The following PCDH15 variants were observed in gnomAD, a reference collection of about 807,000 sequenced individuals.
PCDH15 encodes the protein protocadherin-15.
In PCDH15, 129 loss-of-function variants were observed where a neutral mutation model predicts 178.5. The observed-to-expected ratio is 0.72, with a 90% CI of 0.63 to 0.84. PCDH15 has a LOEUF of 0.84. Ranked by LOEUF, PCDH15 falls within the 40% of genes least tolerant of loss-of-function variation. The pLI is 0.00. For synonymous variants in PCDH15, 800 were observed against 732.0 expected, an observed-to-expected ratio of 1.09 and a Z score of -1.50; for missense variants, 2,230 against 2,099.9, an observed-to-expected ratio of 1.06 and a Z score of -1.21.
At chr10:54,558,708 T>C (rs1339105574) in intron 2 of PCDH15, among the ~76,000 whole-genome samples, 1 of 152,114 alleles carries the variant, frequency 6.6e-6, no homozygotes, top group Non-Finnish European at 1.5e-5. Flanking sequence ...TCTATTACTA[T>C]TAATACTACT....
chr10:55,463,355 A>G (rs1459410194), intron 2 of PCDH15, among the ~76,000 whole-genome samples: 1 of 152,134 alleles, frequency 6.6e-6, no homozygotes, highest in Non-Finnish European at 1.5e-5. Context: ...AGGCATAACA[A>G]AAAATGGAAG....
intron 3 of PCDH15, among the ~76,000 whole-genome samples, chr10:54,487,080 C>T (rs898663699): frequency 6.6e-6 from 1 of 151,882 alleles, no homozygotes; most frequent in Non-Finnish European, 1.5e-5. Flanking sequence ...TTTCAAGAAG[C>T]TAAGCCATAT....
chr10:54,465,898 G>C (rs2077485740), intron 3 of PCDH15, among the ~76,000 whole-genome samples: 1 of 151,774 alleles, frequency 6.6e-6, no homozygotes, highest in Non-Finnish European at 1.5e-5. Flanking sequence ...ATCCTCCCCA[G>C]CATTTATATA....
intron 9 of PCDH15, among the ~76,000 whole-genome samples, chr10:54,234,068 T>C (rs377613488): frequency 1.3e-5 from 2 of 152,170 alleles, no homozygotes; most frequent in African/African-American, 2.4e-5. Context: ...AGTATTTGTA[T>C]GGATTTAGGG....
chr10:54,905,756 T>A (rs1298381924), intron 2 of PCDH15, among the ~76,000 whole-genome samples: 1 of 152,080 alleles, frequency 6.6e-6, no homozygotes, highest in East Asian at 1.9e-4. Context: ...GAACAGGGGT[T>A]GAGATCTCTG....
At chr10:54,572,719 C>T (rs1223092139) in intron 2 of PCDH15, among the ~76,000 whole-genome samples, 1 of 152,086 alleles carries the variant, frequency 6.6e-6, no homozygotes, top group Non-Finnish European at 1.5e-5. Flanking sequence ...CTAGTTCTTT[C>T]ACTAGGTTAA....
intron 2 of PCDH15, among the ~76,000 whole-genome samples, chr10:55,159,333 A>G (rs1838988627): frequency 7.4e-6 from 1 of 134,884 alleles, no homozygotes; most frequent in African/African-American, 2.7e-5. Flanking sequence ...TTAGGAGGTA[A>G]GATTACCATA....
intron 2 of PCDH15, among the ~76,000 whole-genome samples, chr10:55,352,149 C>T (rs1306544040): frequency 6.6e-6 from 1 of 151,988 alleles, no homozygotes; most frequent in African/African-American, 2.4e-5. Context: ...TTGAAATTTA[C>T]CATTTGATAA....
chr10:54,577,091 C>CTT (rs11318408), intron 2 of PCDH15, among the ~76,000 whole-genome samples: 315 of 146,298 alleles, frequency 2.2e-3, no homozygotes, highest in African/African-American at 7.4e-3. Context: ...ATTTTAATTT[C>CTT]TTTTTTTTTT....
intron 2 of PCDH15, among the ~76,000 whole-genome samples, chr10:55,529,464 C>T (rs1294204415): frequency 6.6e-6 from 1 of 151,772 alleles, no homozygotes; most frequent in Non-Finnish European, 1.5e-5. Context: ...AATCCTCCTG[C>T]CTTGGCCTCC....
rs1351534087 is a variant in PCDH15 at position 53,807,033 on chromosome 10, A to T, written c.4769T>A (p.Leu1590His). The part of the protein sequence containing the change: ...DSAPECQRNR[L>H]HHPSIHSNIN... ...ATTACTGTGGATACTAGGATGGTGA[A>T]GACGGTTTCTCTGACATTCAGGAGC... The change falls in exon 38 of 38, where the codon CTT becomes CAT. Residue 1590 changes from leucine to histidine, a missense_variant. Leu to His is a moderately conservative substitution (Grantham distance 99). Coordinates refer to ENST00000644397, the MANE Select transcript of PCDH15 (RefSeq NM_001384140.1). The T allele has an allele frequency of 1.9e-6, 3 of 1,613,702 alleles. No homozygotes were observed. Among genetic ancestry groups the T allele is most frequent in the Admixed American group, 3.3e-5 (2 of 59,920 alleles).
At chr10:54,939,474 A>G (rs1055057327) in intron 2 of PCDH15, among the ~76,000 whole-genome samples, 21 of 136,734 alleles carry the variant, frequency 1.5e-4, no homozygotes, top group Non-Finnish European at 9.4e-5. Flanking sequence ...CAGTCTGGGC[A>G]ATAGAATGAG....
intron 3 of PCDH15, among the ~76,000 whole-genome samples, chr10:54,816,046 T>C (rs923242587): frequency 3.4e-4 from 51 of 152,042 alleles, no homozygotes; most frequent in African/African-American, 1.2e-3. Context: ...TTTTTGGTGG[T>C]GTAGGTGTTG....
chr10:54,779,859 A>G (rs974298054), intron 1 of PCDH15, among the ~76,000 whole-genome samples: 3 of 151,896 alleles, frequency 2.0e-5, no homozygotes, highest in African/African-American at 7.3e-5. Context: ...TCATTCTCAA[A>G]CCTTCTCAAC....
At chr10:55,123,362 C>T (rs1033363417) in intron 2 of PCDH15, among the ~76,000 whole-genome samples, 1 of 151,912 alleles carries the variant, frequency 6.6e-6, no homozygotes, top group Non-Finnish European at 1.5e-5. Context: ...AATCAGCCTT[C>T]TCTAATATAA....
intron 2 of PCDH15, among the ~76,000 whole-genome samples, chr10:55,626,513 G>A (rs182514578): frequency 9.2e-5 from 14 of 152,270 alleles, no homozygotes; most frequent in Admixed American, 5.2e-4. Flanking sequence ...ATGTAGATAT[G>A]AAATTCCAGG....
chr10:55,410,895 T>C (rs1177590951), intron 2 of PCDH15, among the ~76,000 whole-genome samples: 3 of 152,122 alleles, frequency 2.0e-5, no homozygotes, highest in Non-Finnish European at 4.4e-5. Flanking sequence ...TTATTGCTGC[T>C]GGTCTCACAG....
At chr10:55,465,016 C>A (rs998148614) in intron 2 of PCDH15, among the ~76,000 whole-genome samples, 1 of 151,810 alleles carries the variant, frequency 6.6e-6, no homozygotes, top group Non-Finnish European at 1.5e-5. Flanking sequence ...TAAATGCAAA[C>A]CCTGTTGTGG....
intron 1 of PCDH15, among the ~76,000 whole-genome samples, chr10:54,756,996 T>A (rs1423084857): frequency 2.7e-5 from 1 of 37,534 alleles, no homozygotes; most frequent in Non-Finnish European, 5.8e-5. Context: ...TGCTTGGCTT[T>A]ATGAAGCAAG....
Sources: allele counts gnomAD v4.1 joint callset (sites outside exome capture counted in the v4.1 genomes callset), GRCh38; gene constraint gnomAD v4.1.1; transcripts MANE v1.5; gene names NCBI Gene and HGNC (gene_info 2026-07-23, HGNC 2026-07-21).